The following IQSEC1 variants were observed in gnomAD, a reference collection of about 807,000 sequenced individuals.
The protein encoded by IQSEC1 is IQ motif and SEC7 domain-containing protein 1.
Under a neutral mutation model 91.0 loss-of-function variants are expected in IQSEC1, and 31 were observed. The observed-to-expected ratio is 0.34, with a 90% confidence interval of 0.26 to 0.46. The LOEUF (loss-of-function observed/expected upper bound fraction) is 0.46, where lower values mean the gene tolerates loss of function less well. Among genes scored for constraint, IQSEC1 ranks in the 20% least tolerant of loss-of-function variants. The pLI is 1.00. For missense variants in IQSEC1, 1,388 were observed against 1,575.6 expected (o/e 0.88, Z 2.02); for synonymous variants, 699 against 662.6 (o/e 1.05, Z -0.84).
chr3:12,972,085 A>AT (rs34042187), intron 1 of IQSEC1, among the ~76,000 whole-genome samples: 8,324 of 145,262 alleles, frequency 0.057, 735 homozygotes, highest in African/African-American at 0.19. Context: ...AACCAATGCA[A>AT]TTTTTTTTTT....
chr3:13,277,106 TAAAAAAAAA>T (rs4034193), intron 1 of IQSEC1, among the ~76,000 whole-genome samples: 1 of 35,974 alleles, frequency 2.8e-5, no homozygotes, highest in Non-Finnish European at 4.4e-5. Context: ...TGCTCCTCCT[TAAAAAAAAA>T]AAAAAAAAAA....
chr3:13,089,661 T>TTAAGC (rs1705803581), intron 2 of IQSEC1, among the ~76,000 whole-genome samples: 2 of 152,172 alleles, frequency 1.3e-5, no homozygotes, highest in Admixed American at 1.3e-4. Flanking sequence ...TGATGCTAAG[T>TTAAGC]TAAAGAAGCC....
intron 2 of IQSEC1, among the ~76,000 whole-genome samples, chr3:13,096,246 G>T (rs550295215): frequency 5.9e-4 from 90 of 152,346 alleles, no homozygotes; most frequent in African/African-American, 2.1e-3. Context: ...GGAGGCACAG[G>T]TAAGACCTCC....
At chr3:13,271,105 T>C (rs1001412027) in intron 1 of IQSEC1, among the ~76,000 whole-genome samples, 3 of 152,140 alleles carry the variant, frequency 2.0e-5, no homozygotes, top group Admixed American at 1.3e-4. Flanking sequence ...GGGCTGGGCG[T>C]GGTGGCTCAT....
chr3:12,925,878 G>A (rs1239150226), intron 3 of IQSEC1, among the ~76,000 whole-genome samples: 1 of 152,250 alleles, frequency 6.6e-6, no homozygotes, highest in Non-Finnish European at 1.5e-5. Flanking sequence ...CCAGCCCTGG[G>A]AGCAGGCCCT....
intron 1 of IQSEC1, among the ~76,000 whole-genome samples, chr3:13,181,833 A>T (rs561919574): frequency 8.5e-5 from 13 of 152,376 alleles, no homozygotes; most frequent in African/African-American, 2.9e-4. Flanking sequence ...GGAATATTTT[A>T]AAATTATTTT....
At chr3:13,161,686 C>T (rs1451608825) in intron 2 of IQSEC1, among the ~76,000 whole-genome samples, 4 of 152,224 alleles carry the variant, frequency 2.6e-5, no homozygotes, top group Non-Finnish European at 5.9e-5. Flanking sequence ...ATCTTAGCCT[C>T]AGCAACACTG....
At chr3:13,222,703 G>A (rs1559280416) in intron 1 of IQSEC1, among the ~76,000 whole-genome samples, 1 of 152,202 alleles carries the variant, frequency 6.6e-6, no homozygotes, top group Non-Finnish European at 1.5e-5. Context: ...AGCACTCCCA[G>A]GTCAAACAGG....
intron 1 of IQSEC1, among the ~76,000 whole-genome samples, chr3:13,277,126 A>AC (rs1695700200): frequency 6.7e-6 from 1 of 148,982 alleles, no homozygotes; most frequent in African/African-American, 2.5e-5. Flanking sequence ...AAAAAAAAAA[A>AC]AAAAAAAAAA....
chr3:13,110,656 G>A (rs994977456), intron 2 of IQSEC1, among the ~76,000 whole-genome samples: 1 of 152,172 alleles, frequency 6.6e-6, no homozygotes, highest in Admixed American at 6.5e-5. Flanking sequence ...CTTACCACCT[G>A]AGCCTGACAT....
intron 1 of IQSEC1, among the ~76,000 whole-genome samples, chr3:13,197,663 C>T (rs911562832): frequency 2.0e-5 from 3 of 152,220 alleles, no homozygotes; most frequent in Non-Finnish European, 4.4e-5. Context: ...GTCAGCATCC[C>T]ACCTTACGAC....
intron 1 of IQSEC1, among the ~76,000 whole-genome samples, chr3:13,036,688 G>A (rs1053709523): frequency 1.3e-5 from 2 of 152,182 alleles, no homozygotes; most frequent in African/African-American, 4.8e-5. Context: ...CAGCTTCTCA[G>A]GCTGTGTGCT....
intron 1 of IQSEC1, among the ~76,000 whole-genome samples, chr3:13,253,449 G>T (rs911555745): frequency 6.6e-6 from 1 of 152,142 alleles, no homozygotes; most frequent in Non-Finnish European, 1.5e-5. Flanking sequence ...TGAGTGGTGC[G>T]GTGACACTGG....
Position 12,900,469 on chromosome 3 carries a change from T to G in IQSEC1, c.*514A>C. On this transcript the variant is annotated 3_prime_UTR_variant, in exon 14 of 14. Coordinates refer to ENST00000613206, the MANE Select transcript of IQSEC1 (RefSeq NM_001134382.3). ...CTATACAGTATATATATATATATAT[T>G]TATATATTTATATATTTATATAAAG... 2 of 600,784 alleles carry G rather than the reference T, an allele frequency of 3.3e-6. No homozygotes were observed. Among genetic ancestry groups the G allele is most frequent in the Non-Finnish European group, 4.2e-6 (2 of 481,560 alleles). The allele number at this position is 600,784 out of a possible 1,614,324, so 37.2% of individuals were successfully genotyped here. A position where few individuals can be genotyped will look rare whatever the true frequency, so the allele number is the denominator to read the frequency against.
chr3:13,091,088 CAG>C (rs1440135545), intron 2 of IQSEC1, among the ~76,000 whole-genome samples: 4 of 152,238 alleles, frequency 2.6e-5, no homozygotes, highest in Admixed American at 2.6e-4. Context: ...GGCCTTCTCC[CAG>C]AGAGGTTTGT....
chr3:12,897,374 A>T lies in IQSEC1; in HGVS notation c.*3609T>A, dbSNP rs192770175. On this transcript the variant is annotated 3_prime_UTR_variant, in exon 14 of 14. Coordinates refer to ENST00000613206, the MANE Select transcript of IQSEC1 (RefSeq NM_001134382.3). The stretch of plus-strand genomic sequence containing the variant: ...CAGTGGGGGTGCCAGGCTTCTTGTG[A>T]GGGAGGTGTCCCTTGAAGTCTCTGA... The T allele has an allele frequency of 6.6e-6, 1 of 152,366 alleles. No individual in the cohort carries two copies. The highest frequency in any genetic ancestry group is 6.5e-5 in the Admixed American group (1 of 15,306). The allele number at this position is 152,366 out of a possible 1,614,324, so 9.4% of individuals were successfully genotyped here. A position where few individuals can be genotyped will look rare whatever the true frequency, so the allele number is the denominator to read the frequency against.
At chr3:13,058,746 C>T (rs983289491) in intron 1 of IQSEC1, among the ~76,000 whole-genome samples, 1 of 152,204 alleles carries the variant, frequency 6.6e-6, no homozygotes, top group Non-Finnish European at 1.5e-5. Context: ...CTGGAAAGCT[C>T]GGTCTGAGTG....
At chr3:13,234,850 C>T (rs770594010) in intron 1 of IQSEC1, among the ~76,000 whole-genome samples, 2 of 152,196 alleles carry the variant, frequency 1.3e-5, no homozygotes, top group Non-Finnish European at 2.9e-5. Flanking sequence ...TGTTTCTCCC[C>T]GCATGAAAGC....
intron 1 of IQSEC1, among the ~76,000 whole-genome samples, chr3:12,976,259 G>A (rs772994635): frequency 3.3e-5 from 5 of 152,206 alleles, no homozygotes; most frequent in Non-Finnish European, 7.3e-5. Flanking sequence ...AGCAGGAGGG[G>A]GGCAGCAGTG....
Sources: gnomAD v4.1 joint callset for allele counts (sites outside exome capture counted in the v4.1 genomes callset) on GRCh38, gnomAD v4.1.1 for gene constraint, MANE v1.5 for transcripts, NCBI Gene and HGNC (gene_info 2026-07-23, HGNC 2026-07-21) for gene names.